Variants in SNX29 observed in about 807,000 individuals in gnomAD.
SNX29 encodes the protein sorting nexin-29.
A neutral mutation model predicts 102.1 loss-of-function variants in SNX29; 78 were observed. The ratio of observed to expected loss-of-function variants is 0.76; its 90% CI spans 0.64 to 0.92. SNX29 has a LOEUF of 0.92. Among genes scored for constraint, SNX29 ranks in the 40% least tolerant of loss-of-function variants. The pLI is 0.00. For missense variants in SNX29, 1,280 were observed against 1,061.7 expected (o/e 1.21, Z -2.86); for synonymous variants, 580 against 414.5 (o/e 1.40, Z -4.85).
intron 19 of SNX29, among the ~76,000 whole-genome samples, chr16:12,483,808 C>G (rs2088092404): frequency 2.0e-5 from 3 of 152,156 alleles, no homozygotes; most frequent in African/African-American, 7.2e-5. Context: ...CATGTGGCAA[C>G]AAGAACAAGG....
At chr16:12,308,164 A>G (rs369311455) in intron 15 of SNX29, among the ~76,000 whole-genome samples, 1 of 152,216 alleles carries the variant, frequency 6.6e-6, no homozygotes, top group East Asian at 1.9e-4. Flanking sequence ...TCCCCAACCA[A>G]CAGCAGAGAT....
intron 18 of SNX29, among the ~76,000 whole-genome samples, chr16:12,419,283 TGCAGCCATCTCCTCA>T (rs1195987061): frequency 6.6e-6 from 1 of 152,156 alleles, no homozygotes; most frequent in Non-Finnish European, 1.5e-5. Flanking sequence ...ATCCTCTCAA[TGCAGCCATCTCCTCA>T]GCAGGACCCG....
At chr16:12,537,031 A>C (rs988382545) in intron 20 of SNX29, among the ~76,000 whole-genome samples, 1 of 152,198 alleles carries the variant, frequency 6.6e-6, no homozygotes, top group Non-Finnish European at 1.5e-5. Context: ...GGGGGAGCAC[A>C]CAGCAAGCAC....
At chr16:12,307,228 T>C (rs2856771) in intron 15 of SNX29, among the ~76,000 whole-genome samples, 85,449 of 152,074 alleles carry the variant, frequency 0.56, 24,709 homozygotes, top group African/African-American at 0.64. Context: ...TCTACATTTT[T>C]TCCTCGCTCA....
intron 18 of SNX29, among the ~76,000 whole-genome samples, chr16:12,417,357 C>T (rs747195354): frequency 6.6e-6 from 1 of 152,174 alleles, no homozygotes; most frequent in Non-Finnish European, 1.5e-5. Context: ...GGTGTCTTTC[C>T]TTGTTTCAGG....
intron 19 of SNX29, among the ~76,000 whole-genome samples, chr16:12,495,823 G>C (rs2088793605): frequency 6.6e-6 from 1 of 152,138 alleles, no homozygotes; most frequent in African/African-American, 2.4e-5. Flanking sequence ...GGAGACCAAG[G>C]CAGGTGGATC....
Position 12,572,934 on chromosome 16 carries a change from C to T in SNX29, c.*4305C>T, listed in dbSNP as rs2079218854. 1 of 838,526 alleles carries T rather than the reference C, an allele frequency of 1.2e-6. No individual in the cohort carries two copies. Among genetic ancestry groups the T allele is most frequent in the African/African-American group, 1.8e-5 (1 of 56,146 alleles). The allele number at this position is 838,526 out of a possible 1,614,324, so 51.9% of individuals were successfully genotyped here. A position where few individuals can be genotyped will look rare whatever the true frequency, so the allele number is the denominator to read the frequency against. ...GCAGACTTGGAGTGTTTCTTCAAGG[C>T]AGGCATCTGCTTATGAGCAAGGTCA... On this transcript the variant is annotated 3_prime_UTR_variant, in exon 21 of 21. Coordinates refer to ENST00000566228, the MANE Select transcript of SNX29 (RefSeq NM_032167.5).
rs1204369524 is a variant in SNX29 at position 12,403,255 on chromosome 16, T to TAG, written c.1956-185_1956-184dup. Among the ~76,000 whole-genome samples the TAG allele has an allele frequency of 9.9e-5, 10 of 101,032 alleles. No individual in the cohort carries two copies. The East Asian group carries it at 1.3e-3, about 13-fold the overall frequency. 66.3% of individuals were successfully genotyped at this position (101,032 alleles called of 152,430 possible). A position where few individuals can be genotyped will look rare whatever the true frequency, so the allele number is the denominator to read the frequency against. Reference sequence around the variant, plus strand: ...GTGTGTGTGTGTGTGTGTGTGTGTGTAGAGAGAGACAGACTGAGTGATGAC... The same window carrying TAG: ...GTGTGTGTGTGTGTGTGTGTGTGTGTAGAGAGAGAGACAGACTGAGTGATGAC... On this transcript the variant is annotated intron_variant, in intron 17 of 20. Coordinates refer to ENST00000566228, the MANE Select transcript of SNX29 (RefSeq NM_032167.5).
intron 16 of SNX29, among the ~76,000 whole-genome samples, chr16:12,362,060 C>G (rs964382848): frequency 9.2e-5 from 14 of 152,174 alleles, no homozygotes; most frequent in African/African-American, 2.9e-4. Flanking sequence ...TGTGTCCTAC[C>G]TTTCCTCATT....
intron 18 of SNX29, among the ~76,000 whole-genome samples, chr16:12,454,469 A>G (rs754609568): frequency 9.2e-5 from 14 of 152,212 alleles, no homozygotes; most frequent in Non-Finnish European, 2.1e-4. Flanking sequence ...CCAGAACTCT[A>G]GAGGTGACAT....
At chr16:12,396,124 G>A (rs925813235) in intron 16 of SNX29, among the ~76,000 whole-genome samples, 3 of 152,174 alleles carry the variant, frequency 2.0e-5, no homozygotes, top group East Asian at 3.8e-4. Context: ...TCCTGGGTAC[G>A]CATATCCCCT....
At chr16:12,422,740 C>A (rs1448401682) in intron 18 of SNX29, among the ~76,000 whole-genome samples, 1 of 152,194 alleles carries the variant, frequency 6.6e-6, no homozygotes, top group East Asian at 1.9e-4. Flanking sequence ...CCTCTCTCTC[C>A]CAGCCCCTGA....
At chr16:12,442,157 G>C (rs1205610252) in intron 18 of SNX29, among the ~76,000 whole-genome samples, 1 of 152,102 alleles carries the variant, frequency 6.6e-6, no homozygotes, top group Non-Finnish European at 1.5e-5. Context: ...TCCCAGCACA[G>C]TTTGTTTAAA....
At chr16:12,258,141 A>G (rs2904423) in intron 14 of SNX29, among the ~76,000 whole-genome samples, 98,464 of 151,982 alleles carry the variant, frequency 0.65, 33,142 homozygotes, top group African/African-American at 0.82. Flanking sequence ...CACAGCTCCC[A>G]GCTCCCCTGA....
chr16:12,336,678 C>G (rs2081460743), intron 15 of SNX29, among the ~76,000 whole-genome samples: 1 of 152,286 alleles, frequency 6.6e-6, no homozygotes, highest in East Asian at 1.9e-4. Context: ...AGTACAGTAG[C>G]TCATGCTTGT....
At chr16:12,504,023 C>G (rs910255920) in intron 19 of SNX29, among the ~76,000 whole-genome samples, 1 of 152,252 alleles carries the variant, frequency 6.6e-6, no homozygotes, top group East Asian at 1.9e-4. Context: ...CAGAAGAAAC[C>G]CTCTACCACT....
At chr16:11,978,161 G>A (rs907873502) in intron 1 of SNX29, among the ~76,000 whole-genome samples, 1 of 152,092 alleles carries the variant, frequency 6.6e-6, no homozygotes, top group Non-Finnish European at 1.5e-5. Context: ...ATAATGAGGG[G>A]GCTGGTGAGG....
intron 11 of SNX29, among the ~76,000 whole-genome samples, chr16:12,123,595 G>A (rs2054075283): frequency 6.6e-6 from 1 of 152,126 alleles, no homozygotes; most frequent in African/African-American, 2.4e-5. Context: ...GGAGTCTGAG[G>A]CAGCAGTGGC....
intron 15 of SNX29, among the ~76,000 whole-genome samples, chr16:12,293,391 A>C (rs1262335638): frequency 6.6e-6 from 1 of 152,104 alleles, no homozygotes; most frequent in Non-Finnish European, 1.5e-5. Flanking sequence ...TTCTGATAAC[A>C]GCAGTGACTG....
Sources: gnomAD v4.1 joint callset for allele counts (sites outside exome capture counted in the v4.1 genomes callset) on GRCh38, gnomAD v4.1.1 for gene constraint, MANE v1.5 for transcripts, NCBI Gene and HGNC (gene_info 2026-07-23, HGNC 2026-07-21) for gene names.